DNAH7: variants seen among roughly 807,000 people sequenced by gnomAD.
The protein encoded by DNAH7 is dynein axonemal heavy chain 7, also known as axonemal beta dynein heavy chain 7.
A neutral mutation model predicts 444.6 loss-of-function variants in DNAH7; 397 were observed. That is an observed-to-expected ratio of 0.89 (90% CI 0.82 to 0.97). The LOEUF is 0.97. Ranked by LOEUF, DNAH7 falls within the 50% of genes least tolerant of loss-of-function variation. The pLI, the probability that DNAH7 is intolerant of heterozygous loss-of-function variation, is 0.00. For missense variants in DNAH7, 4,902 were observed against 4,800.8 expected, an observed-to-expected ratio of 1.02 and a Z score of -0.62; for synonymous variants, 1,636 against 1,624.4, an observed-to-expected ratio of 1.01 and a Z score of -0.17.
chr2:195,744,421 G>A (rs917825924), intron 63 of DNAH7, among the ~76,000 whole-genome samples: 3 of 152,154 alleles, frequency 2.0e-5, no homozygotes, highest in African/African-American at 7.2e-5. Flanking sequence ...CTGGGGGCAG[G>A]GCACAGACAA....
At chr2:195,841,793 T>A (rs774488762) in intron 47 of DNAH7, among the ~76,000 whole-genome samples, 1 of 151,968 alleles carries the variant, frequency 6.6e-6, no homozygotes. Context: ...CAAATGGAAA[T>A]TGAATTTTTA....
intron 60 of DNAH7, among the ~76,000 whole-genome samples, chr2:195,774,519 G>C (rs1694980234): frequency 6.6e-6 from 1 of 152,168 alleles, no homozygotes; most frequent in African/African-American, 2.4e-5. Flanking sequence ...CTGGCTATCT[G>C]CCTTTCAGAA....
intron 48 of DNAH7, among the ~76,000 whole-genome samples, chr2:195,829,478 C>CA (rs1419213420): frequency 1.3e-5 from 2 of 152,002 alleles, no homozygotes; most frequent in Non-Finnish European, 2.9e-5. Context: ...TAACAGATAT[C>CA]AATTTCTCAT....
intron 19 of DNAH7, among the ~76,000 whole-genome samples, chr2:195,940,848 C>T (rs1415767405): frequency 2.0e-5 from 3 of 151,968 alleles, no homozygotes; most frequent in Non-Finnish European, 2.9e-5. Flanking sequence ...GTTAGAATGC[C>T]AATCATTAAA....
intron 10 of DNAH7, among the ~76,000 whole-genome samples, chr2:196,010,717 ATGTG>A (rs912462445): frequency 6.6e-4 from 101 of 152,172 alleles, no homozygotes; most frequent in Non-Finnish European, 1.2e-3. Context: ...TAGTGTGTGT[ATGTG>A]TGTGTGTATA....
chr2:195,919,176 G>A (rs890828221), intron 24 of DNAH7, among the ~76,000 whole-genome samples: 9 of 150,964 alleles, frequency 6.0e-5, no homozygotes, highest in Non-Finnish European at 1.5e-5. Flanking sequence ...CTTGAACCAG[G>A]GAGTCGGAGG....
intron 21 of DNAH7, among the ~76,000 whole-genome samples, chr2:195,930,739 A>G (rs563250721): frequency 5.3e-5 from 8 of 152,308 alleles, no homozygotes; most frequent in Admixed American, 4.6e-4. Context: ...TGTTCACTGG[A>G]GCAGTATTCA....
intron 63 of DNAH7, among the ~76,000 whole-genome samples, chr2:195,745,505 C>A (rs1435817068): frequency 1.3e-5 from 2 of 152,046 alleles, no homozygotes; most frequent in African/African-American, 2.4e-5. Flanking sequence ...ATACAGAGAA[C>A]GCCACAAAGA....
intron 40 of DNAH7, among the ~76,000 whole-genome samples, chr2:195,866,355 T>TC (rs1007716652): frequency 7.2e-5 from 11 of 152,190 alleles, no homozygotes; most frequent in South Asian, 2.1e-4. Flanking sequence ...TTTTTTTTTT[T>TC]CACTAATAGT....
At chr2:195,943,851 G>A (rs182617508) in intron 19 of DNAH7, among the ~76,000 whole-genome samples, 52 of 152,140 alleles carry the variant, frequency 3.4e-4, no homozygotes, top group Admixed American at 5.9e-4. Context: ...GGCATATGCC[G>A]GTTGACATGT....
At chr2:195,906,276 A>C (rs1220237892) in intron 27 of DNAH7, among the ~76,000 whole-genome samples, 1 of 152,042 alleles carries the variant, frequency 6.6e-6, no homozygotes, top group Non-Finnish European at 1.5e-5. Context: ...CCTGGTGTGG[A>C]TATTTACTCT....
At position 195,806,732 on chromosome 2, in the gene DNAH7, A is replaced by C. The variant is rs1317524606; in HGVS notation, c.10176+8T>G. ...AATCATTGAGCTGTTTTCAAAGCCC[A>C]CATTTACCTTGTCTGGCCTCAAGCA... On this transcript the variant is annotated splice_region_variant and intron_variant, in intron 54 of 64. Coordinates refer to ENST00000312428, the MANE Select transcript of DNAH7 (RefSeq NM_018897.3). 7.4e-6 allele frequency: 12 copies of C among 1,611,724 alleles called. No individual in the cohort carries two copies. Among genetic ancestry groups the C allele is most frequent in the African/African-American group, 1.3e-5 (1 of 74,868 alleles).
At chr2:195,739,714 C>T (rs1370587044) in intron 64 of DNAH7, among the ~76,000 whole-genome samples, 1 of 152,204 alleles carries the variant, frequency 6.6e-6, no homozygotes, top group East Asian at 1.9e-4. Flanking sequence ...TGCCTACTCA[C>T]CAAAGTTTAT....
At chr2:195,800,855 A>G (rs2106005178) in intron 54 of DNAH7, among the ~76,000 whole-genome samples, 1 of 152,316 alleles carries the variant, frequency 6.6e-6, no homozygotes, top group East Asian at 1.9e-4. Flanking sequence ...AAAACACAGG[A>G]GAAAATAATG....
intron 21 of DNAH7, among the ~76,000 whole-genome samples, chr2:195,927,995 G>T (rs1688453142): frequency 6.6e-6 from 1 of 152,032 alleles, no homozygotes; most frequent in Admixed American, 6.6e-5. Flanking sequence ...TATATGTGCA[G>T]GTTTGTTACA....
intron 24 of DNAH7, among the ~76,000 whole-genome samples, chr2:195,913,733 G>A (rs950375757): frequency 6.6e-6 from 1 of 151,940 alleles, no homozygotes; most frequent in African/African-American, 2.4e-5. Context: ...TTTTTGTTTT[G>A]AGACGGAGTC....
At chr2:196,016,013 G>C (rs957985698) in intron 9 of DNAH7, among the ~76,000 whole-genome samples, 2 of 152,196 alleles carry the variant, frequency 1.3e-5, no homozygotes, top group Admixed American at 1.3e-4. Flanking sequence ...TTCAGTTGCT[G>C]CTAACATCTC....
chr2:196,041,651 A>G (rs1436311402), intron 5 of DNAH7, among the ~76,000 whole-genome samples: 1 of 152,106 alleles, frequency 6.6e-6, no homozygotes, highest in African/African-American at 2.4e-5. Flanking sequence ...GGTCTGGGCA[A>G]AGATTTTTTG....
At chr2:195,852,909 CACACACAGAGAG>C (rs986112498) in intron 46 of DNAH7, among the ~76,000 whole-genome samples, 12 of 125,862 alleles carry the variant, frequency 9.5e-5, no homozygotes, top group African/African-American at 3.3e-5. Context: ...CACACACACA[CACACACAGAGAG>C]AGAGAGAGAG....
Sources: gnomAD v4.1 joint callset for allele counts (sites outside exome capture counted in the v4.1 genomes callset) on GRCh38, gnomAD v4.1.1 for gene constraint, MANE v1.5 for transcripts, NCBI Gene and HGNC (gene_info 2026-07-23, HGNC 2026-07-21) for gene names.